The following XKR9 variants were observed in gnomAD, a reference collection of about 807,000 sequenced individuals.
XKR9 encodes the protein XK-related protein 9.
Under a neutral mutation model 32.0 loss-of-function variants are expected in XKR9, and 32 were observed. The ratio of observed to expected loss-of-function variants is 1.00; its 90% CI spans 0.76 to 1.34. XKR9 has a LOEUF of 1.34. Ranked by LOEUF, XKR9 falls within the 40% of genes most tolerant of loss-of-function variation. XKR9 has a pLI of 0.00. For missense variants in XKR9, 546 were observed against 429.7 expected, an observed-to-expected ratio of 1.27 and a Z score of -2.39; for synonymous variants, 168 against 143.4, an observed-to-expected ratio of 1.17 and a Z score of -1.22.
chr8:70,923,673 C>T, the XKR9 span, among the ~76,000 whole-genome samples: 2 of 152,312 alleles, frequency 1.3e-5, no homozygotes, highest in South Asian at 4.1e-4. Flanking sequence ...ACATACTTCC[C>T]ATCATGTGAT....
Position 70,723,767 on chromosome 8 carries a change from G to A in XKR9, c.494-10029G>A, listed in dbSNP as rs1238458508. 2.6e-5 allele frequency among the ~76,000 whole-genome samples: 4 copies of A among 152,078 alleles called. No individual in the cohort carries two copies. The South Asian group carries it at 6.2e-4, about 24-fold the overall frequency. On this transcript the variant is annotated intron_variant, in intron 4 of 4. Transcript: ENST00000408926. ...TGTCTGTCAACCCCTGCTGGGATGC[G>A]CCTCCCAGTCAGGAGGCACAGGAGT...
At chr8:70,788,841 G>A (rs185040808) in intron 2 of XKR9, among the ~76,000 whole-genome samples, 1 of 152,154 alleles carries the variant, frequency 6.6e-6, no homozygotes, top group African/African-American at 2.4e-5. Flanking sequence ...AAGTGCGTTG[G>A]AAGGCCTGGA....
the XKR9 span, among the ~76,000 whole-genome samples, chr8:71,028,001 G>A: frequency 1.3e-5 from 2 of 152,048 alleles, no homozygotes; most frequent in Non-Finnish European, 2.9e-5. Flanking sequence ...GTCAAACTTC[G>A]GGGTTCAAGT....
chr8:70,696,240 G>A (rs1012805275), intron 3 of XKR9, among the ~76,000 whole-genome samples: 2 of 152,168 alleles, frequency 1.3e-5, no homozygotes, highest in African/African-American at 4.8e-5. Flanking sequence ...TGGTGTTTTA[G>A]ACATGAAGTC....
chr8:70,834,823 A>T, the XKR9 span, among the ~76,000 whole-genome samples: 2 of 152,252 alleles, frequency 1.3e-5, no homozygotes, highest in African/African-American at 4.8e-5. Context: ...GTTGCTTAGA[A>T]CTAGTTTTGA....
the XKR9 span, among the ~76,000 whole-genome samples, chr8:70,956,974 AG>A: frequency 0.01 from 1,534 of 152,244 alleles, 32 homozygotes; most frequent in African/African-American, 0.035. Context: ...CCAACTCGAT[AG>A]GGGGGCAGGA....
the XKR9 span, among the ~76,000 whole-genome samples, chr8:70,814,944 T>G: frequency 6.6e-6 from 1 of 152,152 alleles, no homozygotes; most frequent in Non-Finnish European, 1.5e-5. Context: ...TTTCCATACA[T>G]CAATAACAAT....
the XKR9 span, among the ~76,000 whole-genome samples, chr8:70,802,169 C>A: frequency 6.6e-6 from 1 of 152,136 alleles, no homozygotes; most frequent in Admixed American, 6.6e-5. Flanking sequence ...ATCTCCTGAC[C>A]TCGTGAGCCG....
the XKR9 span, among the ~76,000 whole-genome samples, chr8:70,824,508 G>T: frequency 9.9e-5 from 15 of 152,004 alleles, no homozygotes; most frequent in Non-Finnish European, 1.3e-4. Flanking sequence ...ACTTCAGGAG[G>T]TCAGTAGACC....
chr8:70,729,712 AATT>A (rs1427223731), intron 4 of XKR9, among the ~76,000 whole-genome samples: 1 of 152,190 alleles, frequency 6.6e-6, no homozygotes, highest in Non-Finnish European at 1.5e-5. Flanking sequence ...ACATAATTAT[AATT>A]ATTAATGACA....
At chr8:70,796,365 A>G in the XKR9 span, among the ~76,000 whole-genome samples, 1 of 151,876 alleles carries the variant, frequency 6.6e-6, no homozygotes, top group African/African-American at 2.4e-5. Context: ...TTGTTTCTTT[A>G]CAATTGTTCA....
chr8:70,698,670 G>T (rs1805387735), intron 3 of XKR9, among the ~76,000 whole-genome samples: 1 of 152,052 alleles, frequency 6.6e-6, no homozygotes, highest in Non-Finnish European at 1.5e-5. Flanking sequence ...TGTTGATTTG[G>T]GGTGGAGAGT....
chr8:70,881,239 T>C, the XKR9 span, among the ~76,000 whole-genome samples: 238 of 151,992 alleles, frequency 1.6e-3, 1 homozygote, highest in African/African-American at 5.4e-3. Context: ...ACACCAAAAG[T>C]AATGTCAACA....
intron 3 of XKR9, among the ~76,000 whole-genome samples, chr8:70,684,471 T>C (rs1223999544): frequency 1.3e-5 from 2 of 152,258 alleles, no homozygotes; most frequent in South Asian, 2.1e-4. Flanking sequence ...CATATAAATA[T>C]ATACACATAA....
the XKR9 span, among the ~76,000 whole-genome samples, chr8:70,901,106 C>T: frequency 1.3e-5 from 2 of 152,142 alleles, no homozygotes; most frequent in African/African-American, 2.4e-5. Context: ...GTGAATAGTG[C>T]TTCAATAAAC....
At chr8:70,696,899 A>G (rs78248587) in intron 3 of XKR9, among the ~76,000 whole-genome samples, 51,088 of 139,344 alleles carry the variant, frequency 0.37, 10,602 homozygotes, top group Non-Finnish European at 0.49. Flanking sequence ...GGTCCTTCAC[A>G]TCCCTTGTAA....
At chr8:70,913,730 C>T in the XKR9 span, among the ~76,000 whole-genome samples, 2 of 152,122 alleles carry the variant, frequency 1.3e-5, no homozygotes, top group East Asian at 3.9e-4. Flanking sequence ...CTCCAGAAGT[C>T]CTATGTTGGC....
At chr8:71,049,025 A>G in the XKR9 span, among the ~76,000 whole-genome samples, 165 of 152,352 alleles carry the variant, frequency 1.1e-3, 1 homozygote, top group African/African-American at 3.8e-3. Context: ...AGACTTTAAC[A>G]TATGGATTCT....
chr8:70,785,845 T>A (rs1265214328), intron 2 of XKR9, among the ~76,000 whole-genome samples: 2 of 150,858 alleles, frequency 1.3e-5, no homozygotes, highest in African/African-American at 4.9e-5. Flanking sequence ...TATTTATATA[T>A]TTTCTATGTC....
Sources: allele counts gnomAD v4.1 joint callset (sites outside exome capture counted in the v4.1 genomes callset), GRCh38; gene constraint gnomAD v4.1.1; transcripts MANE v1.5; gene names NCBI Gene and HGNC (gene_info 2026-07-23, HGNC 2026-07-21).